The following MAP2K4 variants were observed in gnomAD, a reference collection of about 807,000 sequenced individuals.
MAP2K4 encodes dual specificity mitogen-activated protein kinase kinase 4.
MAP2K4 carries 4 observed loss-of-function variants against 48.5 expected under a neutral mutation model. That is an observed-to-expected ratio of 0.08 (90% CI 0.04 to 0.19). MAP2K4 has a LOEUF of 0.19. Among genes scored for constraint, MAP2K4 ranks in the 10% least tolerant of loss-of-function variants. MAP2K4 has a pLI of 1.00. For synonymous variants in MAP2K4, 166 were observed against 173.1 expected, an observed-to-expected ratio of 0.96 and a Z score of 0.32; for missense variants, 258 against 493.3, an observed-to-expected ratio of 0.52 and a Z score of 4.52.
At chr17:12,122,433 C>T (rs376326204) in intron 7 of MAP2K4, among the ~76,000 whole-genome samples, 5 of 152,112 alleles carry the variant, frequency 3.3e-5, no homozygotes, top group African/African-American at 1.2e-4. Context: ...AGACCTGTCT[C>T]GGATTTCTTT....
chr17:12,135,085 TGTTTTTTG>T lies in MAP2K4; in HGVS notation c.1041-4753_1041-4746del, dbSNP rs1363806556. 3.9e-5 allele frequency among the ~76,000 whole-genome samples: 6 copies of T among 152,016 alleles called. No individual in the cohort carries two copies. In the East Asian group the frequency reaches 1.2e-3, roughly 29 times the overall value. ...ACCTGGCTAATTTTTGTTTTTTTGT[TGTTTTTTG>T]CTTTTTTGTTTTGAGACGGACTTTT... On this transcript the variant is annotated intron_variant, in intron 9 of 10. Coordinates refer to ENST00000353533, the MANE Select transcript of MAP2K4 (RefSeq NM_003010.4).
intron 3 of MAP2K4, 85 bp from the exon 4 acceptor site, chr17:12,095,490 T>C (rs1167668644): frequency 1.3e-6 from 2 of 1,498,534 alleles, no homozygotes; most frequent in Non-Finnish European, 1.9e-6. Flanking sequence ...TCGTAACGGT[T>C]TTTCTCTACC....
At chr17:12,120,621 CAAG>C (rs1334101056) in intron 7 of MAP2K4, among the ~76,000 whole-genome samples, 1 of 141,778 alleles carries the variant, frequency 7.1e-6, no homozygotes, top group Non-Finnish European at 1.5e-5. Flanking sequence ...ATTCATAACA[CAAG>C]AAGAAATCAT....
intron 2 of MAP2K4, among the ~76,000 whole-genome samples, chr17:12,071,550 C>T (rs959245204): frequency 2.6e-5 from 4 of 152,076 alleles, no homozygotes; most frequent in African/African-American, 9.7e-5. Flanking sequence ...ATATCGTTCT[C>T]TTCTTGTCTC....
At chr17:12,118,958 T>C (rs1036764889) in intron 7 of MAP2K4, among the ~76,000 whole-genome samples, 14 of 152,172 alleles carry the variant, frequency 9.2e-5, no homozygotes, top group Non-Finnish European at 1.5e-4. Flanking sequence ...TCCTTTTATA[T>C]GCAAAAAATA....
intron 4 of MAP2K4, among the ~76,000 whole-genome samples, chr17:12,099,213 CAA>C (rs202135270): frequency 7.9e-6 from 1 of 126,138 alleles, no homozygotes; most frequent in African/African-American, 2.9e-5. Context: ...CGTGTTGCTA[CAA>C]AAAAAAAAAA....
intron 1 of MAP2K4, chr17:12,021,318 C>CTTA (rs953785809): frequency 5.5e-6 from 1 of 182,762 alleles, no homozygotes; most frequent in African/African-American, 2.4e-5. Context: ...GCCCCCGCCG[C>CTTA]TTACCTGGCG....
At chr17:12,132,555 T>C (rs1973062428) in intron 9 of MAP2K4, among the ~76,000 whole-genome samples, 1 of 152,068 alleles carries the variant, frequency 6.6e-6, no homozygotes, top group Non-Finnish European at 1.5e-5. Context: ...TTTTTAGTTC[T>C]GCACTTAGGA....
chr17:12,035,747 GAT>G (rs1375869529), intron 1 of MAP2K4, among the ~76,000 whole-genome samples: 1 of 152,168 alleles, frequency 6.6e-6, no homozygotes, highest in African/African-American at 2.4e-5. Flanking sequence ...CATGAAATTA[GAT>G]ATCATTCAAG....
chr17:12,021,058 C>A (rs1407939637), intron 1 of MAP2K4, 57 bp downstream of exon 1: 2 of 1,071,686 alleles, frequency 1.9e-6, no homozygotes, highest in Admixed American at 4.5e-5. Flanking sequence ...CCCGCGTCGT[C>A]GCGGCCTGCC....
intron 2 of MAP2K4, 29 bp downstream of exon 2, chr17:12,055,020 A>G: frequency 7.2e-7 from 1 of 1,387,470 alleles, no homozygotes. Context: ...CAAAGGCTCA[A>G]CTCAAGCAAA....
intron 9 of MAP2K4, among the ~76,000 whole-genome samples, chr17:12,137,721 GA>G (rs1298703217): frequency 1.3e-5 from 2 of 152,068 alleles, no homozygotes. Flanking sequence ...AAACATTTGA[GA>G]ACTGATTTAG....
chr17:12,121,492 G>A (rs1007303646), intron 7 of MAP2K4, among the ~76,000 whole-genome samples: 53 of 151,618 alleles, frequency 3.5e-4, no homozygotes, highest in African/African-American at 1.2e-3. Flanking sequence ...GGAGAATGGC[G>A]GGAACCCGGG....
chr17:12,064,223 C>G (rs1970543353), intron 2 of MAP2K4, among the ~76,000 whole-genome samples: 1 of 152,134 alleles, frequency 6.6e-6, no homozygotes, highest in South Asian at 2.1e-4. Flanking sequence ...CCTGGGACTA[C>G]AGGCACATTA....
chr17:12,140,998 T>C (rs1973361097), intron 10 of MAP2K4, 149 bp from the exon 11 acceptor site: 14 of 627,418 alleles, frequency 2.2e-5, no homozygotes, highest in Non-Finnish European at 3.7e-5. Flanking sequence ...ATAAAGGCTG[T>C]ACTCGCCTCT....
At chr17:12,061,699 G>C (rs1168070529) in intron 2 of MAP2K4, among the ~76,000 whole-genome samples, 1 of 152,178 alleles carries the variant, frequency 6.6e-6, no homozygotes, top group Non-Finnish European at 1.5e-5. Context: ...ACTTCTAAGT[G>C]CTGCTCCTTG....
chr17:12,081,993 G>T lies in MAP2K4; in HGVS notation c.393+463G>T, dbSNP rs755690970. Reference sequence around the variant, plus strand: ...GTTGCCACTAACCTCAACCTTACTCGGTCCTGACCGGCTCGGCTTCTGTTT... The same window carrying T: ...GTTGCCACTAACCTCAACCTTACTCTGTCCTGACCGGCTCGGCTTCTGTTT... On this transcript the variant is annotated intron_variant, in intron 3 of 10. Transcript: ENST00000353533. This position sits in a 1 kb window ranked among gnomAD's most constrained non-coding sequence, Gnocchi z 4.2. 2 of 529,376 alleles carry T rather than the reference G, an allele frequency of 3.8e-6. No homozygotes were observed. The highest frequency in any genetic ancestry group is 1.4e-5 in the South Asian group (1 of 70,196). 32.8% of individuals were successfully genotyped at this position (529,376 alleles called of 1,614,324 possible).
At position 12,020,992 on chromosome 17, in the gene MAP2K4, A is replaced by G; in HGVS notation, c.106A>G (p.Ser36Gly). 1 of 1,207,050 alleles carries G rather than the reference A, an allele frequency of 8.3e-7. No individual in the cohort carries two copies. The highest frequency in any genetic ancestry group is 1.0e-6 in the Non-Finnish European group (1 of 972,074). 74.8% of individuals were successfully genotyped at this position (1,207,050 alleles called of 1,614,324 possible). Reference protein sequence around the residue: ...SPAPGHPAVSSMQGKRKALKL... With the variant: ...SPAPGHPAVSGMQGKRKALKL... ...GGCGCCAGGCCACCCGGCCGTCAGC[A>G]GCATGCAGGGTAAGGAACGCGGCCG... Residue 36 changes from serine (S) to glycine (G), a missense_variant, in exon 1 of 11, where the codon AGC (serine) becomes GGC (glycine). Coordinates refer to ENST00000353533, the MANE Select transcript of MAP2K4 (RefSeq NM_003010.4).
chr17:12,022,370 A>T (rs1458149842), intron 1 of MAP2K4, among the ~76,000 whole-genome samples: 1 of 152,190 alleles, frequency 6.6e-6, no homozygotes, highest in Non-Finnish European at 1.5e-5. Flanking sequence ...TGAATTAGTT[A>T]TTGGATGCCC....
Sources: gnomAD v4.1 joint callset for allele counts (sites outside exome capture counted in the v4.1 genomes callset) on GRCh38, gnomAD v4.1.1 for gene constraint, Gnocchi (gnomAD v3.1) non-coding constraint, MANE v1.5 for transcripts, NCBI Gene and HGNC (gene_info 2026-07-23, HGNC 2026-07-21) for gene names.